Variants in MKLN1 observed in about 807,000 individuals in gnomAD.
The protein encoded by MKLN1 is muskelin 1.
Under a neutral mutation model 99.0 loss-of-function variants are expected in MKLN1, and 18 were observed. The observed-to-expected ratio is 0.18, with a 90% CI of 0.13 to 0.27. The LOEUF is 0.27. Among genes scored for constraint, MKLN1 ranks in the 10% least tolerant of loss-of-function variants. The probability of loss-of-function intolerance (pLI) is 1.00; values close to 1 mark genes in which losing one functional copy is unlikely to be tolerated. For missense variants in MKLN1, 621 were observed against 875.9 expected (o/e 0.71, Z 3.67); for synonymous variants, 288 against 293.2 (o/e 0.98, Z 0.18).
chr7:131,284,476 CT>C lies in MKLN1; in HGVS notation c.-179+81503del, dbSNP rs1447739063. Among the ~76,000 whole-genome samples, 3 of 152,186 alleles carry C rather than the reference CT, an allele frequency of 2.0e-5. No homozygotes were observed. In the East Asian group the frequency reaches 5.8e-4, roughly 29 times the overall value. ...TATGTGGATTGTCACGCTGAGGTTA[CT>C]CTGGTGCTCTGTTGGTAGCATCTAT... On this transcript the variant is annotated intron_variant, in intron 3 of 7. Transcript: ENST00000416992.
intron 6 of MKLN1, among the ~76,000 whole-genome samples, chr7:131,403,571 C>T (rs763229319): frequency 1.3e-5 from 2 of 152,144 alleles, no homozygotes; most frequent in Admixed American, 1.3e-4. Context: ...TGCCTTCCTC[C>T]CTAAGTTTAA....
At chr7:131,258,188 A>C (rs7804644) in intron 3 of MKLN1, among the ~76,000 whole-genome samples, 1 of 150,836 alleles carries the variant, frequency 6.6e-6, no homozygotes. Flanking sequence ...AAAGTTTCAC[A>C]TGTGTAATCT....
At chr7:131,445,612 A>G (rs1198789941) in intron 11 of MKLN1, among the ~76,000 whole-genome samples, 162 bp from the exon 12 acceptor site, 1 of 152,092 alleles carries the variant, frequency 6.6e-6, no homozygotes, top group Non-Finnish European at 1.5e-5. Flanking sequence ...CCTTTTAGCA[A>G]TATGTAGAGA....
At position 131,494,010 on chromosome 7, in the gene MKLN1, G is replaced by C. The variant is rs1385018243; in HGVS notation, c.*6282G>C. On this transcript the variant is annotated 3_prime_UTR_variant, in exon 18 of 18. Coordinates refer to ENST00000352689, the MANE Select transcript of MKLN1 (RefSeq NM_013255.5). ...TCCGTTGTTAACAAATCTCAAGAAA[G>C]CCTTTGTTACAGTTTAGCTCATGTC... 1 of 152,154 alleles carries C rather than the reference G, an allele frequency of 6.6e-6. No homozygotes were observed. Among genetic ancestry groups the C allele is most frequent in the African/African-American group, 2.4e-5 (1 of 41,436 alleles). 9.4% of individuals were successfully genotyped at this position (152,154 alleles called of 1,614,324 possible).
chr7:131,470,700 C>A, intron 15 of MKLN1, 142 bp from the exon 16 acceptor site: 1 of 630,322 alleles, frequency 1.6e-6, no homozygotes, highest in Non-Finnish European at 2.8e-6. Context: ...ATTGTTAATT[C>A]TGGATTCCTA....
At chr7:131,258,363 A>ATTCTGTTGCTGGAGGAAGG (rs1797687585) in intron 3 of MKLN1, among the ~76,000 whole-genome samples, 1 of 151,982 alleles carries the variant, frequency 6.6e-6, no homozygotes, top group Admixed American at 6.6e-5. Context: ...CTGGAGGAAG[A>ATTCTGTTGCTGGAGGAAGG]TTCTGTTGCT....
intron 3 of MKLN1, among the ~76,000 whole-genome samples, chr7:131,226,541 G>T (rs758811682): frequency 6.6e-6 from 1 of 152,218 alleles, no homozygotes; most frequent in Non-Finnish European, 1.5e-5. Context: ...TCAGGTGAGA[G>T]AATAGTTCAG....
chr7:131,226,577 A>C (rs1797150642), intron 3 of MKLN1, among the ~76,000 whole-genome samples: 1 of 152,210 alleles, frequency 6.6e-6, no homozygotes, highest in South Asian at 2.1e-4. Flanking sequence ...TGGCTTCTGA[A>C]CAGGAAGGAA....
intron 1 of MKLN1, among the ~76,000 whole-genome samples, chr7:131,137,749 A>G (rs565521218): frequency 1.3e-5 from 2 of 150,712 alleles, no homozygotes; most frequent in Non-Finnish European, 3.0e-5. Context: ...TGATTTTTGT[A>G]TTTTTAGTAG....
chr7:131,283,269 C>T (rs1422692371), intron 3 of MKLN1, among the ~76,000 whole-genome samples: 6 of 151,846 alleles, frequency 4.0e-5, no homozygotes, highest in African/African-American at 1.5e-4. Flanking sequence ...AACGGCTTGC[C>T]ATGATAAAAC....
chr7:131,374,924 T>C (rs1326797399), intron 1 of MKLN1, among the ~76,000 whole-genome samples: 1 of 151,692 alleles, frequency 6.6e-6, no homozygotes, highest in Non-Finnish European at 1.5e-5. Context: ...TATTGCTTTA[T>C]TTTTACCCTG....
At chr7:131,412,080 C>G (rs1374418806) in intron 7 of MKLN1, among the ~76,000 whole-genome samples, 2 of 152,046 alleles carry the variant, frequency 1.3e-5, no homozygotes, top group East Asian at 3.8e-4. Flanking sequence ...GAGCGAGACT[C>G]TGTCTCAAAA....
chr7:131,173,254 T>C (rs1796242943), intron 2 of MKLN1, among the ~76,000 whole-genome samples: 1 of 151,952 alleles, frequency 6.6e-6, no homozygotes, highest in Non-Finnish European at 1.5e-5. Flanking sequence ...TTGAAGGAAA[T>C]ATTAAATCTA....
At chr7:131,469,020 T>C (rs1796743011) in intron 15 of MKLN1, among the ~76,000 whole-genome samples, 1 of 152,238 alleles carries the variant, frequency 6.6e-6, no homozygotes, top group South Asian at 2.1e-4. Flanking sequence ...ACAATTCTAG[T>C]AGCCAGGTGC....
rs781026973 is a variant in MKLN1 at position 131,227,431 on chromosome 7, TTCTC to T, written c.-179+24461_-179+24464del. On this transcript the variant is annotated intron_variant, in intron 3 of 7. Transcript: ENST00000416992. ...TTTCCCTCTCTCTCTTTCTCCCTCT[TTCTC>T]TCTTTCTCTCTTTTCTCTTCTTTGT... Among the ~76,000 whole-genome samples, 15 of 151,426 alleles carry T rather than the reference TTCTC, an allele frequency of 9.9e-5. 1 individual carries two copies. The highest frequency in any genetic ancestry group is 1.8e-4 in the Non-Finnish European group (12 of 67,828).
At chr7:131,178,677 C>CT (rs945333236) in intron 2 of MKLN1, among the ~76,000 whole-genome samples, 10 of 152,014 alleles carry the variant, frequency 6.6e-5, no homozygotes, top group African/African-American at 9.7e-5. Context: ...TTTTGTTTTG[C>CT]TTTTTTCCTT....
chr7:131,399,163 T>A, intron 5 of MKLN1, 78 bp from the exon 6 acceptor site: 2 of 1,258,324 alleles, frequency 1.6e-6, no homozygotes, highest in South Asian at 2.5e-5. Context: ...AGATTAGTTA[T>A]TTTTACTGTT....
intron 1 of MKLN1, among the ~76,000 whole-genome samples, chr7:131,369,023 CAT>C (rs1183604318): frequency 6.8e-6 from 1 of 146,346 alleles, no homozygotes; most frequent in South Asian, 2.2e-4. Context: ...CACACACACA[CAT>C]ATCTGTATAT....
upstream of MKLN1, among the ~76,000 whole-genome samples, chr7:131,324,850 T>G (rs1798852355): frequency 6.6e-6 from 1 of 152,218 alleles, no homozygotes; most frequent in African/African-American, 2.4e-5. Flanking sequence ...ATAAAGTTCT[T>G]TTCTTAACAT....
Sources: gnomAD v4.1 joint callset for allele counts (sites outside exome capture counted in the v4.1 genomes callset) on GRCh38, gnomAD v4.1.1 for gene constraint, MANE v1.5 for transcripts, NCBI Gene and HGNC (gene_info 2026-07-23, HGNC 2026-07-21) for gene names.